The following FBXO22 variants were observed in gnomAD, a reference collection of about 807,000 sequenced individuals.
FBXO22 encodes the protein F-box only protein 22.
A neutral mutation model predicts 37.2 loss-of-function variants in FBXO22; 13 were observed. The ratio of observed to expected loss-of-function variants is 0.35; its 90% CI spans 0.23 to 0.56. The LOEUF is 0.56. FBXO22 is among the 20% of genes least tolerant of loss of function. FBXO22 has a pLI of 0.87. For missense variants in FBXO22, 446 were observed against 509.9 expected, an observed-to-expected ratio of 0.87 and a Z score of 1.21; for synonymous variants, 189 against 189.1, an observed-to-expected ratio of 1.00 and a Z score of 0.00.
chr15:75,907,669 G>T (rs976134674), intron 2 of FBXO22, among the ~76,000 whole-genome samples: 4 of 152,072 alleles, frequency 2.6e-5, no homozygotes, highest in Non-Finnish European at 2.9e-5. Flanking sequence ...GCCGAGGCAG[G>T]CAAATCACTT....
intron 6 of FBXO22, chr15:75,930,324 A>G: frequency 2.2e-6 from 3 of 1,349,292 alleles, no homozygotes; most frequent in Non-Finnish European, 2.9e-6. Flanking sequence ...CCTTTGACAG[A>G]TGTGGTACTC....
intron 4 of FBXO22, among the ~76,000 whole-genome samples, chr15:75,915,059 C>A (rs139199045): frequency 6.6e-6 from 1 of 152,308 alleles, no homozygotes; most frequent in Non-Finnish European, 1.5e-5. Flanking sequence ...CTTCTGCCTC[C>A]TGGATTCAAG....
chr15:75,909,280 G>A (rs60378247), intron 2 of FBXO22, among the ~76,000 whole-genome samples: 3,250 of 152,260 alleles, frequency 0.021, 140 homozygotes, highest in African/African-American at 0.075. Context: ...TTAGGAAAAG[G>A]TTTTGGAGAG....
In FBXO22 at chr15:75,942,015, G is replaced by C. The variant is rs2031040602; in HGVS notation, c.*8913G>C. 7.4e-6 allele frequency: 1 copy of C among 134,520 alleles called. No individual in the cohort carries two copies. Among genetic ancestry groups the C allele is most frequent in the Non-Finnish European group, 1.5e-5 (1 of 64,620 alleles). The allele number at this position is 134,520 out of a possible 1,614,324, so 8.3% of individuals were successfully genotyped here. On this transcript the variant is annotated 3_prime_UTR_variant, in exon 7 of 7. Transcript: ENST00000308275. ...AAAAGGGCAGGGGGTGGGGTATTTA[G>C]TCACAAGACATAGAGGAACTTTAAG...
intron 5 of FBXO22, among the ~76,000 whole-genome samples, chr15:75,922,419 G>GGATCA (rs1900347884): frequency 6.6e-6 from 1 of 152,326 alleles, no homozygotes; most frequent in Middle Eastern, 3.4e-3. Flanking sequence ...AGGGATCAAG[G>GGATCA]AGGCTTCCAG....
chr15:75,935,498 G>C lies in FBXO22; in HGVS notation c.*2396G>C, dbSNP rs1388786046. 1 of 151,868 alleles carries C rather than the reference G, an allele frequency of 6.6e-6. No individual in the cohort carries two copies. The highest frequency in any genetic ancestry group is 2.4e-5 in the African/African-American group (1 of 41,312). 9.4% of individuals were successfully genotyped at this position (151,868 alleles called of 1,614,324 possible). A position where few individuals can be genotyped will look rare whatever the true frequency, so the allele number is the denominator to read the frequency against. On this transcript the variant is annotated 3_prime_UTR_variant, in exon 7 of 7. Coordinates refer to ENST00000308275, the MANE Select transcript of FBXO22 (RefSeq NM_147188.3). ...CTGGGGCTAGTTTCCTTTGTATAAGGCTTAAGCAAGGAATATATTTCCATG... is the reference window on the plus strand; with the variant it reads ...CTGGGGCTAGTTTCCTTTGTATAAGCCTTAAGCAAGGAATATATTTCCATG...
At chr15:75,924,232 C>T (rs1014258435) in intron 5 of FBXO22, among the ~76,000 whole-genome samples, 7 of 152,040 alleles carry the variant, frequency 4.6e-5, no homozygotes, top group Non-Finnish European at 7.4e-5. Flanking sequence ...GGAGGAGGGC[C>T]GGGGAGGAGG....
intron 5 of FBXO22, among the ~76,000 whole-genome samples, chr15:75,919,393 C>T (rs1320611549): frequency 6.6e-6 from 1 of 152,126 alleles, no homozygotes; most frequent in Non-Finnish European, 1.5e-5. Context: ...TGTATATATA[C>T]TTCAAAACAT....
chr15:75,905,685 G>A (rs1335051735), intron 2 of FBXO22: 1 of 152,128 alleles, frequency 6.6e-6, no homozygotes, highest in African/African-American at 2.4e-5. Context: ...AATCTCCTTT[G>A]ATCTGGAACA....
Position 75,939,857 on chromosome 15 carries a change from A to G in FBXO22, c.*6755A>G, listed in dbSNP as rs958208637. 6.6e-6 allele frequency: 1 copy of G among 152,120 alleles called. No individual in the cohort carries two copies. Among genetic ancestry groups the G allele is most frequent in the African/African-American group, 2.4e-5 (1 of 41,430 alleles). 9.4% of individuals were successfully genotyped at this position (152,120 alleles called of 1,614,324 possible). On this transcript the variant is annotated 3_prime_UTR_variant, in exon 7 of 7. Coordinates refer to ENST00000308275, the MANE Select transcript of FBXO22 (RefSeq NM_147188.3). ...TCTTGTGATTAAAAACACTCAACAA[A>G]TGAGGGATAAGAGGAAACTACCTGA...
chr15:75,909,662 T>C (rs1900007655), intron 2 of FBXO22, among the ~76,000 whole-genome samples: 1 of 151,932 alleles, frequency 6.6e-6, no homozygotes, highest in South Asian at 2.1e-4. Flanking sequence ...GTTTAGTAAA[T>C]GAACTGAAAA....
chr15:75,908,853 G>GT (rs1595910790), intron 2 of FBXO22, among the ~76,000 whole-genome samples: 1 of 152,344 alleles, frequency 6.6e-6, no homozygotes, highest in East Asian at 1.9e-4. Flanking sequence ...TGAAAATGCT[G>GT]TGTGGACCAA....
chr15:75,926,786 G>A (rs1390089344), intron 5 of FBXO22, among the ~76,000 whole-genome samples: 2 of 152,012 alleles, frequency 1.3e-5, no homozygotes, highest in Non-Finnish European at 2.9e-5. Context: ...TGAGACTTTA[G>A]TTAGTACTCA....
chr15:75,921,043 A>G (rs781326060), intron 5 of FBXO22, among the ~76,000 whole-genome samples: 33 of 152,336 alleles, frequency 2.2e-4, no homozygotes, highest in South Asian at 4.1e-4. Flanking sequence ...ACAGCCTACT[A>G]TATGTGTAGG....
At chr15:75,917,181 T>C (rs779940061) in intron 4 of FBXO22, 49 bp from the exon 5 acceptor site, 3 of 1,369,890 alleles carry the variant, frequency 2.2e-6, no homozygotes, top group South Asian at 1.3e-5. Flanking sequence ...ACTGTAGTTA[T>C]CTAGTTTTTA....
chr15:75,919,179 C>T (rs949465446), intron 5 of FBXO22, among the ~76,000 whole-genome samples: 6 of 152,040 alleles, frequency 3.9e-5, no homozygotes, highest in Non-Finnish European at 5.9e-5. Context: ...ACCATGTTAG[C>T]CAGGGTGGTC....
rs1209832242 is a variant in FBXO22 at position 75,920,423 on chromosome 15, T to G, written c.628+3029T>G. 2.6e-5 allele frequency among the ~76,000 whole-genome samples: 4 copies of G among 152,148 alleles called. No homozygotes were observed. In the South Asian group the frequency reaches 6.2e-4, roughly 24 times the overall value. Reference sequence around the variant, plus strand: ...AACATAGCCCAGATTCTGGGAAGATTTATGGCAGCAAATTTAGTACAAGGA... The same window carrying G: ...AACATAGCCCAGATTCTGGGAAGATGTATGGCAGCAAATTTAGTACAAGGA... On this transcript the variant is annotated intron_variant, in intron 5 of 6. Coordinates refer to ENST00000308275, the MANE Select transcript of FBXO22 (RefSeq NM_147188.3).
rs1168278442 is a variant in FBXO22 at position 75,940,845 on chromosome 15, C to G, written c.*7743C>G. 2.0e-5 allele frequency: 3 copies of G among 152,010 alleles called. No individual in the cohort carries two copies. The highest frequency in any genetic ancestry group is 6.6e-5 in the Admixed American group (1 of 15,260). 9.4% of individuals were successfully genotyped at this position (152,010 alleles called of 1,614,324 possible). On this transcript the variant is annotated 3_prime_UTR_variant, in exon 7 of 7. Coordinates refer to ENST00000308275, the MANE Select transcript of FBXO22 (RefSeq NM_147188.3). Reference sequence around the variant, plus strand: ...AATTAACTCAAAATGGACCAAAGACCTAAATGTGAGAGCTAAAACCATAAA... The same window carrying G: ...AATTAACTCAAAATGGACCAAAGACGTAAATGTGAGAGCTAAAACCATAAA...
chr15:75,907,956 T>A (rs963136893), intron 2 of FBXO22, among the ~76,000 whole-genome samples: 35 of 151,156 alleles, frequency 2.3e-4, no homozygotes, highest in African/African-American at 7.0e-4. Context: ...AAAAAAAAAA[T>A]TTTTTTAAAG....
Sources: gnomAD v4.1 joint callset for allele counts (sites outside exome capture counted in the v4.1 genomes callset) on GRCh38, gnomAD v4.1.1 for gene constraint, MANE v1.5 for transcripts, NCBI Gene and HGNC (gene_info 2026-07-23, HGNC 2026-07-21) for gene names.